RPS27A: variants seen among roughly 807,000 people sequenced by gnomAD.
RPS27A encodes the protein ubiquitin-ribosomal protein eS31 fusion protein.
In RPS27A, 1 loss-of-function variant was observed where a neutral mutation model predicts 18.9. The ratio of observed to expected loss-of-function variants is 0.05; its 90% CI spans 0.02 to 0.25. The LOEUF (loss-of-function observed/expected upper bound fraction) is 0.25, where lower values mean the gene tolerates loss of function less well. RPS27A is among the 10% of genes least tolerant of loss of function. The pLI is 1.00. For synonymous variants in RPS27A, 77 were observed against 63.7 expected (o/e 1.21, Z -0.99); for missense variants, 123 against 187.4 (o/e 0.66, Z 2.01).
In RPS27A at chr2:55,232,688, C is replaced by G. The variant is rs964182670; in HGVS notation, c.-38C>G. 4 of 825,556 alleles carry G rather than the reference C, an allele frequency of 4.8e-6. No individual in the cohort carries two copies. Among genetic ancestry groups the G allele is most frequent in the Middle Eastern group, 3.4e-4 (1 of 2,972 alleles). 51.1% of individuals were successfully genotyped at this position (825,556 alleles called of 1,614,324 possible). A position where few individuals can be genotyped will look rare whatever the true frequency, so the allele number is the denominator to read the frequency against. On this transcript the variant is annotated 5_prime_UTR_variant, in exon 1 of 6. Transcript: ENST00000272317. ...CCCGTGGGCCTGCGCGGCGTTCTTC[C>G]TTTTCGATCCGCCATCTGCGGTGGG...
rs1675641214 is a variant in RPS27A, at chr2:55,233,826, TA to T, written c.104-292del. ...TGTATTTTTAGTAGAGACTGGGTTTTACCTTGTTGGCCAGGCTGGTTTTGAA... is the reference window on the plus strand; with the variant it reads ...TGTATTTTTAGTAGAGACTGGGTTTTCCTTGTTGGCCAGGCTGGTTTTGAA... On this transcript the variant is annotated intron_variant, in intron 3 of 5. Coordinates refer to ENST00000272317, the MANE Select transcript of RPS27A (RefSeq NM_002954.6). The T allele has an allele frequency of 9.8e-6, 5 of 508,004 alleles. No individual in the cohort carries two copies. The East Asian group carries it at 1.8e-4, about 19-fold the overall frequency. The allele number at this position is 508,004 out of a possible 1,614,324, so 31.5% of individuals were successfully genotyped here. A position where few individuals can be genotyped will look rare whatever the true frequency, so the allele number is the denominator to read the frequency against.
chr2:55,235,603 AC>A lies in RPS27A; in HGVS notation c.*27del. On this transcript the variant is annotated 3_prime_UTR_variant, in exon 6 of 6. Coordinates refer to ENST00000272317, the MANE Select transcript of RPS27A (RefSeq NM_002954.6). ...CTGTATGAGTTAATAAAAGACATGA[AC>A]TAACATTTATTGTTGGGTTTTATTG... 1 of 1,597,920 alleles carries A rather than the reference AC, an allele frequency of 6.3e-7. No individual in the cohort carries two copies. Among genetic ancestry groups the A allele is most frequent in the Non-Finnish European group, 8.5e-7 (1 of 1,179,202 alleles).
chr2:55,233,676 C>CTGGA, intron 3 of RPS27A: 1 of 520,866 alleles, frequency 1.9e-6, no homozygotes, highest in Non-Finnish European at 3.5e-6. Flanking sequence ...GTCGCCCAGG[C>CTGGA]TGGAGTGCAT....
chr2:55,234,022 T>TA (rs368219355), intron 3 of RPS27A, 97 bp from the exon 4 acceptor site: 1 of 818,872 alleles, frequency 1.2e-6, no homozygotes. Context: ...TGTCAGCCTT[T>TA]AGTATCATGT....
chr2:55,232,917 C>CGCCAAGGT, intron 2 of RPS27A, 45 bp downstream of exon 2: 1 of 1,514,078 alleles, frequency 6.6e-7, no homozygotes, highest in Non-Finnish European at 9.1e-7. Flanking sequence ...CGAATAAGGT[C>CGCCAAGGT]CTGAGGTGGA....
chr2:55,235,570 A>G lies in RPS27A; in HGVS notation c.464A>G (p.Asp155Gly). 1.9e-6 allele frequency: 3 copies of G among 1,602,246 alleles called. No homozygotes were observed. Among genetic ancestry groups the G allele is most frequent in the Non-Finnish European group, 2.5e-6 (3 of 1,179,958 alleles). Residue 155 changes from aspartate (D) to glycine (G), a missense_variant, in exon 6 of 6, where the codon GAC becomes GGC. Asp to Gly is a moderately conservative substitution (Grantham distance 94). Transcript: ENST00000272317. ...ACTTACTGTTTCAACAAACCAGAAG[A>G]CAAGTAACTGTATGAGTTAATAAAA... The part of the protein sequence containing the change: ...CLTYCFNKPE[D>G]K
chr2:55,232,600 G>A, upstream of RPS27A: 1 of 600,836 alleles, frequency 1.7e-6, no homozygotes. Flanking sequence ...TCGCTGGGAC[G>A]GCAGTCAGGC....
chr2:55,233,988 G>T, intron 3 of RPS27A, 131 bp from the exon 4 acceptor site: 1 of 743,350 alleles, frequency 1.3e-6, no homozygotes, highest in East Asian at 2.5e-5. Context: ...TTAGAACCAT[G>T]CCTAACCTCT....
rs746795838 is a variant in RPS27A at position 55,234,248 on chromosome 2, A to G, written c.189+44A>G. 5.0e-6 allele frequency: 7 copies of G among 1,395,140 alleles called. No individual in the cohort carries two copies. The African/African-American group carries it at 8.5e-5, about 17-fold the overall frequency. The allele number at this position is 1,395,140 out of a possible 1,614,324, so 86.4% of individuals were successfully genotyped here. ...CAGCCTCTTTTAAAAAAAAAATGTT[A>G]TTTTGGAAATTTTTTATTTTACTTT... On this transcript the variant is annotated intron_variant, in intron 4 of 5. Coordinates refer to ENST00000272317, the MANE Select transcript of RPS27A (RefSeq NM_002954.6).
intron 4 of RPS27A, 39 bp downstream of exon 4, chr2:55,234,243 A>T: frequency 1.4e-6 from 2 of 1,440,292 alleles, no homozygotes; most frequent in Non-Finnish European, 9.8e-7. Flanking sequence ...TAAAAAAAAA[A>T]TGTTATTTTG....
chr2:55,235,025 A>T, intron 5 of RPS27A, 63 bp downstream of exon 5: 5 of 1,561,104 alleles, frequency 3.2e-6, no homozygotes, highest in Non-Finnish European at 4.4e-6. Context: ...CTTAATCTTT[A>T]TAGTACTTGT....
chr2:55,234,796 A>T, intron 4 of RPS27A, 35 bp from the exon 5 acceptor site: 1 of 1,611,294 alleles, frequency 6.2e-7, no homozygotes, highest in Non-Finnish European at 8.5e-7. Context: ...TTCTTAGTGG[A>T]ATCATGAAAG....
At chr2:55,234,509 C>T (rs1411700727) in intron 4 of RPS27A, 2 of 545,086 alleles carry the variant, frequency 3.7e-6, no homozygotes, top group Non-Finnish European at 6.6e-6. Context: ...GTATTCTGGA[C>T]ATTTTGACAC....
intron 2 of RPS27A, 176 bp downstream of exon 2, chr2:55,233,048 C>T (rs1291879316): frequency 2.4e-5 from 17 of 698,358 alleles, no homozygotes; most frequent in African/African-American, 7.1e-5. Flanking sequence ...TTTCGGTGGC[C>T]AAAGGCTGGA....
At chr2:55,235,205 T>G in intron 5 of RPS27A, 1 of 691,482 alleles carries the variant, frequency 1.4e-6, no homozygotes, top group Middle Eastern at 4.0e-4. Context: ...GTCTTTACCT[T>G]TGTCTACCAC....
chr2:55,234,594 C>G (rs1450794503), intron 4 of RPS27A: 1 of 584,658 alleles, frequency 1.7e-6, no homozygotes, highest in Non-Finnish European at 3.0e-6. Context: ...AGAAGCACTG[C>G]TATAGTTCTC....
At chr2:55,232,687 C>A (rs1343900311), upstream of RPS27A, 11 of 811,554 alleles carry the variant, frequency 1.4e-5, no homozygotes, top group Non-Finnish European at 2.1e-5. Flanking sequence ...CGGCGTTCTT[C>A]CTTTTCGATC....
In RPS27A at chr2:55,235,656, C is replaced by G. The variant is rs1675752329; in HGVS notation, c.*79C>G. The G allele has an allele frequency of 8.2e-6, 12 of 1,465,332 alleles. No homozygotes were observed. The highest frequency in any genetic ancestry group is 1.0e-5 in the Non-Finnish European group (11 of 1,059,918). The allele number at this position is 1,465,332 out of a possible 1,614,324, so 90.8% of individuals were successfully genotyped here. On this transcript the variant is annotated 3_prime_UTR_variant, in exon 6 of 6. Transcript: ENST00000272317. The stretch of plus-strand genomic sequence containing the variant: ...AGTAAAAAGAATGGTTTTTAAGCAC[C>G]AAATTGATGGTCACACCATTTCCTT...
intron 5 of RPS27A, 116 bp from the exon 6 acceptor site, chr2:55,235,312 G>A: frequency 1.7e-6 from 2 of 1,167,352 alleles, no homozygotes; most frequent in Non-Finnish European, 2.5e-6. Context: ...GCTTTGGTTT[G>A]TAAGCACCAA....
Sources: allele counts gnomAD v4.1 joint callset, GRCh38; gene constraint gnomAD v4.1.1; transcripts MANE v1.5; gene names NCBI Gene and HGNC (gene_info 2026-07-23, HGNC 2026-07-21).